The following LAMC2 variants were observed in gnomAD, a reference collection of about 807,000 sequenced individuals.
The protein encoded by LAMC2 is laminin subunit gamma 2.
In LAMC2, 97 loss-of-function variants were observed where a neutral mutation model predicts 140.2. That is an observed-to-expected ratio of 0.69 (90% CI 0.59 to 0.82). The LOEUF is 0.82. LAMC2 is among the 40% of genes least tolerant of loss of function. The pLI is 0.00. For missense variants in LAMC2, 1,402 were observed against 1,476.1 expected (o/e 0.95, Z 0.82); for synonymous variants, 513 against 540.2 (o/e 0.95, Z 0.70).
chr1:183,258,380 G>A, the LAMC2 span, among the ~76,000 whole-genome samples: 1 of 152,142 alleles, frequency 6.6e-6, no homozygotes, highest in African/African-American at 2.4e-5. Flanking sequence ...AACCACCTTT[G>A]CAAAATTATG....
intron 1 of LAMC2, among the ~76,000 whole-genome samples, chr1:183,196,138 AATG>A (rs1418247682): frequency 1.6e-5 from 2 of 121,304 alleles, no homozygotes; most frequent in Non-Finnish European, 3.3e-5. Flanking sequence ...TTTTGATAAA[AATG>A]ATTTTTTTTT....
intron 1 of LAMC2, 48 bp from the exon 2 acceptor site, chr1:183,207,833 G>GGGT: frequency 9.3e-7 from 1 of 1,074,104 alleles, no homozygotes. Flanking sequence ...AGTTCCTGAG[G>GGGT]TGTTTTTTTT....
At chr1:183,221,328 T>A (rs1318242816) in intron 5 of LAMC2, among the ~76,000 whole-genome samples, 2 of 152,184 alleles carry the variant, frequency 1.3e-5, no homozygotes, top group Non-Finnish European at 2.9e-5. Flanking sequence ...TTTTCACATA[T>A]AATAAATGAG....
chr1:183,240,673 G>A lies in LAMC2; in HGVS notation c.3328+282G>A, dbSNP rs146394974. Reference sequence around the variant, plus strand: ...GTATATAAGCAACTTCACAGAACACGAGACAGCTTGGGAATCCTGCTAAAG... The same window carrying A: ...GTATATAAGCAACTTCACAGAACACAAGACAGCTTGGGAATCCTGCTAAAG... On this transcript the variant is annotated intron_variant, in intron 22 of 22. Transcript: ENST00000264144. 5,735 of 1,332,674 alleles carry A rather than the reference G, an allele frequency of 4.3e-3. 19 individuals carry two copies. The highest frequency in any genetic ancestry group is 0.017 in the Middle Eastern group (58 of 3,470). 82.6% of individuals were successfully genotyped at this position (1,332,674 alleles called of 1,614,324 possible). A position where few individuals can be genotyped will look rare whatever the true frequency, so the allele number is the denominator to read the frequency against.
chr1:183,215,266 G>C (rs915666553), intron 2 of LAMC2, among the ~76,000 whole-genome samples, 187 bp from the exon 3 acceptor site: 2 of 152,186 alleles, frequency 1.3e-5, no homozygotes, highest in African/African-American at 4.8e-5. Flanking sequence ...CCCTGAGGAA[G>C]ACATCCTCAG....
chr1:183,206,735 G>A (rs1306886722), intron 1 of LAMC2, among the ~76,000 whole-genome samples: 1 of 151,950 alleles, frequency 6.6e-6, no homozygotes, highest in Non-Finnish European at 1.5e-5. Context: ...CACTCAGCAG[G>A]TGATGGCACA....
intron 19 of LAMC2, among the ~76,000 whole-genome samples, chr1:183,239,005 T>C (rs1260220888): frequency 6.6e-6 from 1 of 152,256 alleles, no homozygotes; most frequent in Non-Finnish European, 1.5e-5. Context: ...AAAGTACTTC[T>C]CTACCCATTC....
At chr1:183,197,879 C>A (rs1658572249) in intron 1 of LAMC2, among the ~76,000 whole-genome samples, 1 of 151,510 alleles carries the variant, frequency 6.6e-6, no homozygotes, top group South Asian at 2.1e-4. Flanking sequence ...GATTAAGGAG[C>A]CCTGAGGAGC....
chr1:183,256,381 C>G, the LAMC2 span, among the ~76,000 whole-genome samples: 2 of 151,884 alleles, frequency 1.3e-5, no homozygotes, highest in Non-Finnish European at 2.9e-5. Flanking sequence ...TGCACTCCAG[C>G]CTGGGTGACA....
intron 12 of LAMC2, 25 bp downstream of exon 12, chr1:183,231,128 C>G (rs1257686609): frequency 6.2e-7 from 1 of 1,613,716 alleles, no homozygotes; most frequent in Non-Finnish European, 8.5e-7. Context: ...CCTTACCACC[C>G]CCAACCCCAC....
At chr1:183,247,869 G>A (rs186356177), downstream of LAMC2, among the ~76,000 whole-genome samples, 23 of 152,302 alleles carry the variant, frequency 1.5e-4, no homozygotes, top group Admixed American at 5.2e-4. Context: ...GATCTTTCAA[G>A]CTAAAAAGTT....
intron 22 of LAMC2, chr1:183,240,713 C>T (rs1660111618): frequency 9.6e-6 from 12 of 1,248,044 alleles, no homozygotes; most frequent in Non-Finnish European, 1.1e-5. Context: ...TGGCCTGGAC[C>T]CTGAGAAGCC....
intron 1 of LAMC2, among the ~76,000 whole-genome samples, chr1:183,192,263 G>A (rs758817914): frequency 2.6e-5 from 4 of 152,222 alleles, no homozygotes; most frequent in African/African-American, 7.2e-5. Flanking sequence ...AATTCTAACC[G>A]CGTCTTTTTA....
At chr1:183,233,450 A>G (rs993246782) in intron 14 of LAMC2, among the ~76,000 whole-genome samples, 1 of 152,072 alleles carries the variant, frequency 6.6e-6, no homozygotes, top group Non-Finnish European at 1.5e-5. Flanking sequence ...TTGATTGAGC[A>G]CTCTTCTATT....
At chr1:183,196,054 A>C (rs1355662850) in intron 1 of LAMC2, among the ~76,000 whole-genome samples, 1 of 152,228 alleles carries the variant, frequency 6.6e-6, no homozygotes, top group Admixed American at 6.5e-5. Flanking sequence ...TATCAAACTG[A>C]TAAATGACAG....
At chr1:183,240,771 GA>G in intron 22 of LAMC2, 1 of 916,354 alleles carries the variant, frequency 1.1e-6, no homozygotes. Context: ...GTATATTTCA[GA>G]AAGATCACTA....
rs553899760 is a variant in LAMC2 at position 183,219,065 on chromosome 1, C to A, written c.503+577C>A. On this transcript the variant is annotated intron_variant, in intron 4 of 22. Coordinates refer to ENST00000264144, the MANE Select transcript of LAMC2 (RefSeq NM_005562.3). ...GGTGGAGCAGTGAGGCACCATCCCCCCAAGCTGCCGGTGCAGGACGTGCCT... is the reference window on the plus strand; with the variant it reads ...GGTGGAGCAGTGAGGCACCATCCCCACAAGCTGCCGGTGCAGGACGTGCCT... Among the ~76,000 whole-genome samples the A allele has an allele frequency of 3.2e-4, 49 of 152,316 alleles. 1 individual carries two copies. The highest frequency in any genetic ancestry group is 3.2e-3 in the Admixed American group (49 of 15,286).
At chr1:183,225,300 A>C (rs192731614) in intron 7 of LAMC2, among the ~76,000 whole-genome samples, 90 of 152,336 alleles carry the variant, frequency 5.9e-4, no homozygotes, top group Admixed American at 4.4e-3. Flanking sequence ...ATACTAGCTT[A>C]TGGGTGGCCA....
chr1:183,215,799 T>C (rs1042930717), intron 3 of LAMC2, among the ~76,000 whole-genome samples: 4 of 152,152 alleles, frequency 2.6e-5, no homozygotes, highest in Non-Finnish European at 5.9e-5. Flanking sequence ...ACTTAAACCA[T>C]ATGAGGTTAA....
Sources: gnomAD v4.1 joint callset for allele counts (sites outside exome capture counted in the v4.1 genomes callset) on GRCh38, gnomAD v4.1.1 for gene constraint, MANE v1.5 for transcripts, NCBI Gene and HGNC (gene_info 2026-07-23, HGNC 2026-07-21) for gene names.